Variants in CDC42 observed in about 807,000 individuals in gnomAD.
The protein encoded by CDC42 is cell division control protein 42 homolog.
In CDC42, 1 loss-of-function variant was observed where a neutral mutation model predicts 20.8. The ratio of observed to expected loss-of-function variants is 0.05; its 90% confidence interval spans 0.02 to 0.23. CDC42 has a LOEUF of 0.23. Ranked by LOEUF, CDC42 falls within the 10% of genes least tolerant of loss-of-function variation. CDC42 has a pLI of 1.00. For missense variants in CDC42, 49 were observed against 227.9 expected, an observed-to-expected ratio of 0.21 and a Z score of 5.05; for synonymous variants, 72 against 84.8, an observed-to-expected ratio of 0.85 and a Z score of 0.83.
intron 3 of CDC42, among the ~76,000 whole-genome samples, chr1:22,085,340 C>T (rs1645651738): frequency 6.6e-6 from 1 of 151,930 alleles, no homozygotes; most frequent in Non-Finnish European, 1.5e-5. Context: ...CAATACCGCA[C>T]TGTTTTGATT....
intron 1 of CDC42, among the ~76,000 whole-genome samples, chr1:22,057,216 G>T (rs543997407): frequency 5.3e-4 from 80 of 152,220 alleles, no homozygotes; most frequent in African/African-American, 1.6e-3. Context: ...TAATATATAT[G>T]AAGTGTTTAG....
At chr1:22,063,171 A>C (rs776108822) in intron 1 of CDC42, among the ~76,000 whole-genome samples, 2 of 151,876 alleles carry the variant, frequency 1.3e-5, no homozygotes, top group African/African-American at 4.8e-5. Flanking sequence ...ACTCCTATCT[A>C]ACTAGAGATT....
chr1:22,101,149 T>C lies in CDC42; in HGVS notation c.*9632T>C, dbSNP rs1645786338. On this transcript the variant is annotated 3_prime_UTR_variant, in exon 6 of 6. Transcript: ENST00000656825. ...GTGAACCCTGGTACATATAGCGTGA[T>C]AAATCAAGTCCTGTTTTTGCTCCTA... 6.6e-6 allele frequency: 1 copy of C among 152,248 alleles called. No homozygotes were observed. The allele number at this position is 152,248 out of a possible 1,614,324, so 9.4% of individuals were successfully genotyped here.
intron 1 of CDC42, among the ~76,000 whole-genome samples, chr1:22,072,024 A>G (rs1645497198): frequency 6.6e-6 from 1 of 150,382 alleles, no homozygotes; most frequent in Admixed American, 6.6e-5. Context: ...TGGGATTCCC[A>G]TGGCCCTTCT....
chr1:22,073,733 C>G (rs1645518054), intron 1 of CDC42, among the ~76,000 whole-genome samples: 1 of 152,092 alleles, frequency 6.6e-6, no homozygotes, highest in African/African-American at 2.4e-5. Context: ...ACAATCATAG[C>G]CAACTGCAGC....
intron 5 of CDC42, chr1:22,090,417 G>T: frequency 1.0e-6 from 1 of 998,418 alleles, no homozygotes; most frequent in Non-Finnish European, 1.2e-6. Context: ...TTACTCTTAT[G>T]ATCAATTGTT....
rs968651346 is a variant in CDC42, at chr1:22,093,519, C to T, written c.*2002C>T. 2.0e-5 allele frequency among the ~76,000 whole-genome samples: 3 copies of T among 152,136 alleles called. No homozygotes were observed. The highest frequency in any genetic ancestry group is 7.2e-5 in the African/African-American group (3 of 41,414). On this transcript the variant is annotated 3_prime_UTR_variant, in exon 6 of 6. Transcript: ENST00000656825. ...ACCTTTAGGACATTATACTGATCTGCATGAGAATCTTAGAAACTAAGAACC... is the reference window on the plus strand; with the variant it reads ...ACCTTTAGGACATTATACTGATCTGTATGAGAATCTTAGAAACTAAGAACC...
intron 1 of CDC42, among the ~76,000 whole-genome samples, chr1:22,070,744 G>A (rs892705597): frequency 6.6e-5 from 10 of 151,980 alleles, no homozygotes; most frequent in Admixed American, 3.9e-4. Flanking sequence ...GATTACAGGC[G>A]TGAGCCACCA....
chr1:22,062,768 T>G (rs1378332186), intron 1 of CDC42, among the ~76,000 whole-genome samples: 1 of 134,556 alleles, frequency 7.4e-6, no homozygotes, highest in Non-Finnish European at 1.6e-5. Flanking sequence ...AAAAAAAAGA[T>G]TTTTTCCGAA....
chr1:22,086,839 G>A lies in CDC42; in HGVS notation c.459G>A (p.Lys153=). Residue 153 remains lysine, a synonymous_variant, in exon 5 of 6, where the codon AAG becomes AAA. Transcript: ENST00000656825. The stretch of plus-strand genomic sequence containing the variant: ...TGGCCCGTGACCTGAAGGCTGTCAA[G>A]TATGTGGAGTGTTCTGCACTTACAC... ...EKLARDLKAV[K]YVECSALTQK... The A allele has an allele frequency of 3.7e-6, 6 of 1,614,010 alleles. No individual in the cohort carries two copies. The highest frequency in any genetic ancestry group is 4.2e-6 in the Non-Finnish European group (5 of 1,179,890).
intron 1 of CDC42, among the ~76,000 whole-genome samples, chr1:22,067,499 C>T (rs1266473914): frequency 6.6e-6 from 1 of 151,980 alleles, no homozygotes; most frequent in Non-Finnish European, 1.5e-5. Context: ...TACAGGCATG[C>T]GCCACCGGCT....
At position 22,061,528 on chromosome 1, in the gene CDC42, C is replaced by CTTTTTTTT. The variant is rs1404317396; in HGVS notation, c.-51+8789_-51+8790insTTTTTTTT. ...GGTCAATCAGTTTAACTTCATGTTT[C>CTTTTTTTT]TTTCTTTTTTTTTTTTTTTTTTTTT... is the stretch of plus-strand genomic sequence containing the variant. On this transcript the variant is annotated intron_variant, in intron 1 of 5. Transcript: ENST00000656825. Among the ~76,000 whole-genome samples, 6 of 86,306 alleles carry CTTTTTTTT rather than the reference C, an allele frequency of 7.0e-5. 3 individuals are homozygous for CTTTTTTTT. The highest frequency in any genetic ancestry group is 2.8e-4 in the Admixed American group (2 of 7,080). The allele number at this position is 86,306 out of a possible 152,430, so 56.6% of individuals were successfully genotyped here.
At chr1:22,060,543 T>C (rs1356119470) in intron 1 of CDC42, among the ~76,000 whole-genome samples, 4 of 152,190 alleles carry the variant, frequency 2.6e-5, no homozygotes, top group African/African-American at 9.6e-5. Flanking sequence ...ATTTCAGCTA[T>C]GGTTCATTTG....
rs376176674 is a variant in CDC42 at position 22,094,954 on chromosome 1, T to G, written c.*3437T>G. On this transcript the variant is annotated 3_prime_UTR_variant, in exon 6 of 6. Coordinates refer to ENST00000656825, the MANE Select transcript of CDC42 (RefSeq NM_001791.4). ...TTGTGAGGTAAATTAGTGGTTATTT[T>G]GGTGCTGGGTGCTAAGAAACTCGCA... Among the ~76,000 whole-genome samples, 22 of 152,308 alleles carry G rather than the reference T, an allele frequency of 1.4e-4. No individual in the cohort carries two copies. The East Asian group carries it at 3.9e-3, about 27-fold the overall frequency.
chr1:22,085,888 C>T (rs191527572), intron 3 of CDC42, among the ~76,000 whole-genome samples: 5 of 152,296 alleles, frequency 3.3e-5, no homozygotes, highest in Non-Finnish European at 5.9e-5. Flanking sequence ...CTCTGTCACC[C>T]AGACTGGAGT....
In CDC42 at chr1:22,093,063, TTTA is replaced by T. The variant is rs1645732606; in HGVS notation, c.*1552_*1554del. On this transcript the variant is annotated 3_prime_UTR_variant, in exon 6 of 6. Coordinates refer to ENST00000656825, the MANE Select transcript of CDC42 (RefSeq NM_001791.4). ...AAACTTTGGGATAAAATTTTAAAGC[TTTA>T]TTATTTTTATTTTCTGGCATTTTAG... The T allele has an allele frequency of 6.6e-6, 1 of 152,538 alleles. No individual in the cohort carries two copies. The highest frequency in any genetic ancestry group is 6.5e-5 in the Admixed American group (1 of 15,280). The allele number at this position is 152,538 out of a possible 1,614,324, so 9.4% of individuals were successfully genotyped here.
intron 1 of CDC42, chr1:22,068,433 A>G (rs1645447391): frequency 6.5e-6 from 1 of 153,302 alleles, no homozygotes; most frequent in Admixed American, 6.5e-5. Context: ...CCTTTTTGGC[A>G]GACTTTTTTC....
chr1:22,075,094 C>T (rs1645533967), intron 1 of CDC42, among the ~76,000 whole-genome samples: 1 of 152,122 alleles, frequency 6.6e-6, no homozygotes, highest in South Asian at 2.1e-4. Flanking sequence ...CTCAGAAGGT[C>T]AGATAACAAC....
intron 1 of CDC42, among the ~76,000 whole-genome samples, chr1:22,066,571 TAAAC>T (rs16826383): frequency 4.6e-4 from 70 of 152,214 alleles, no homozygotes; most frequent in African/African-American, 1.6e-3. Context: ...ATATGACAGA[TAAAC>T]AAGATAATTA....
Sources: gnomAD v4.1 joint callset for allele counts (sites outside exome capture counted in the v4.1 genomes callset) on GRCh38, gnomAD v4.1.1 for gene constraint, MANE v1.5 for transcripts, NCBI Gene and HGNC (gene_info 2026-07-23, HGNC 2026-07-21) for gene names.